The following SHISA9 variants were observed in gnomAD, a reference collection of about 807,000 sequenced individuals.
SHISA9 encodes shisa family member 9, also known as protein shisa-9.
In SHISA9, 13 loss-of-function variants were observed where a neutral mutation model predicts 38.0. The ratio of observed to expected loss-of-function variants is 0.34; its 90% CI spans 0.22 to 0.54. The LOEUF (loss-of-function observed/expected upper bound fraction) is 0.54, where lower values mean the gene tolerates loss of function less well. Among genes scored for constraint, SHISA9 ranks in the 20% least tolerant of loss-of-function variants. The pLI, the probability that SHISA9 is intolerant of heterozygous loss-of-function variation, is 0.91. For synonymous variants in SHISA9, 275 were observed against 242.0 expected (o/e 1.14, Z -1.27); for missense variants, 538 against 575.8 (o/e 0.93, Z 0.67).
At chr16:13,213,204 G>T in intron 3 of SHISA9, 49 bp from the exon 4 acceptor site, 1 of 1,520,408 alleles carries the variant, frequency 6.6e-7, no homozygotes, top group South Asian at 1.2e-5. Context: ...AGTGAACATG[G>T]GTGCCCTGCA....
the SHISA9 span, among the ~76,000 whole-genome samples, chr16:13,521,007 C>G: frequency 2.6e-5 from 4 of 152,178 alleles, no homozygotes; most frequent in African/African-American, 9.6e-5. Flanking sequence ...AGAATACACT[C>G]CTGTTAACCT....
chr16:13,301,091 A>G, the SHISA9 span, among the ~76,000 whole-genome samples: 465 of 152,104 alleles, frequency 3.1e-3, 1 homozygote, highest in African/African-American at 0.011. Context: ...AAACTCTACA[A>G]TCTGTATGCA....
chr16:13,437,502 G>A, the SHISA9 span, among the ~76,000 whole-genome samples: 1 of 151,886 alleles, frequency 6.6e-6, no homozygotes, highest in African/African-American at 2.4e-5. Context: ...TTTTGCCCGA[G>A]GCTGAGCAGT....
chr16:13,491,966 C>T, the SHISA9 span, among the ~76,000 whole-genome samples: 1 of 150,574 alleles, frequency 6.6e-6, no homozygotes, highest in Non-Finnish European at 1.5e-5. Flanking sequence ...CATGAGCCAC[C>T]ATGTCTAGCT....
At position 13,223,588 on chromosome 16, in the gene SHISA9, T is replaced by C. The variant is rs182625097; in HGVS notation, c.895+10288T>C. ...TAGCTTTCAAGAGCCTAGTGTAGGA[T>C]TCAAAACCAACACGTTGGTTCTTTG... On this transcript the variant is annotated intron_variant, in intron 4 of 4. Coordinates refer to ENST00000558583, the MANE Select transcript of SHISA9 (RefSeq NM_001145204.3). Among the ~76,000 whole-genome samples, 244 of 152,344 alleles carry C rather than the reference T, an allele frequency of 1.6e-3. 2 individuals are homozygous for C. The highest frequency in any genetic ancestry group is 5.4e-3 in the African/African-American group (223 of 41,594).
chr16:13,532,540 A>C, the SHISA9 span, among the ~76,000 whole-genome samples: 1 of 130,264 alleles, frequency 7.7e-6, no homozygotes. Flanking sequence ...ATGGAATAAT[A>C]CTATGTGCGT....
chr16:13,544,127 T>C, the SHISA9 span, among the ~76,000 whole-genome samples: 8 of 152,110 alleles, frequency 5.3e-5, no homozygotes, highest in South Asian at 6.2e-4. Flanking sequence ...TAACACCTCT[T>C]TGAGTATCTG....
At chr16:13,454,729 A>G in the SHISA9 span, among the ~76,000 whole-genome samples, 1 of 152,206 alleles carries the variant, frequency 6.6e-6, no homozygotes, top group African/African-American at 2.4e-5. Flanking sequence ...ACGTGGATCA[A>G]TAGAAATGGA....
chr16:12,974,516 C>T (rs1373709813), intron 2 of SHISA9, among the ~76,000 whole-genome samples: 9 of 104,150 alleles, frequency 8.6e-5, no homozygotes, highest in East Asian at 3.4e-4. Flanking sequence ...TCCGGAGTTT[C>T]GCTCTGTCGC....
chr16:13,115,485 T>C (rs748942172), intron 2 of SHISA9, among the ~76,000 whole-genome samples: 8 of 152,254 alleles, frequency 5.3e-5, no homozygotes, highest in Non-Finnish European at 1.0e-4. Flanking sequence ...TGCTTTTGTT[T>C]GTGGCTTAAG....
intron 3 of SHISA9, among the ~76,000 whole-genome samples, chr16:13,207,648 G>C (rs575469630): frequency 6.6e-6 from 1 of 152,222 alleles, no homozygotes; most frequent in East Asian, 1.9e-4. Flanking sequence ...CTGAGACATA[G>C]GTGGTCTTGT....
At chr16:13,278,785 G>C in the SHISA9 span, among the ~76,000 whole-genome samples, 2 of 151,838 alleles carry the variant, frequency 1.3e-5, no homozygotes, top group African/African-American at 4.8e-5. Flanking sequence ...TTCTTAGTGA[G>C]GTAATTTGGA....
At chr16:13,293,936 G>T in the SHISA9 span, among the ~76,000 whole-genome samples, 1 of 152,178 alleles carries the variant, frequency 6.6e-6, no homozygotes, top group Non-Finnish European at 1.5e-5. Flanking sequence ...TGTGTGTTGT[G>T]GTTTTGTTCT....
the SHISA9 span, among the ~76,000 whole-genome samples, chr16:13,530,845 A>G: frequency 6.6e-6 from 1 of 152,290 alleles, no homozygotes; most frequent in Admixed American, 6.5e-5. Flanking sequence ...TGGTTCAGGA[A>G]TGGTCATGTG....
chr16:13,073,674 G>A (rs2073545582), intron 2 of SHISA9, among the ~76,000 whole-genome samples: 1 of 152,122 alleles, frequency 6.6e-6, no homozygotes, highest in Non-Finnish European at 1.5e-5. Context: ...TGTTATTAAG[G>A]TAAAGATTAT....
At chr16:13,217,326 G>C (rs1198154092) in intron 4 of SHISA9, among the ~76,000 whole-genome samples, 1 of 151,986 alleles carries the variant, frequency 6.6e-6, no homozygotes, top group African/African-American at 2.4e-5. Flanking sequence ...ATCCACCCTG[G>C]AAGACACCAT....
intron 2 of SHISA9, among the ~76,000 whole-genome samples, chr16:12,986,395 G>T (rs11075178): frequency 2.6e-5 from 4 of 151,856 alleles, no homozygotes; most frequent in Non-Finnish European, 4.4e-5. Flanking sequence ...TTTCATTTCC[G>T]TTTAGAAAAT....
chr16:13,090,868 T>A (rs1428685487), intron 2 of SHISA9, among the ~76,000 whole-genome samples: 1 of 152,240 alleles, frequency 6.6e-6, no homozygotes, highest in Non-Finnish European at 1.5e-5. Flanking sequence ...TGCCTGTTAA[T>A]TGATGCAGTT....
At chr16:13,005,824 C>G (rs779787315) in intron 2 of SHISA9, among the ~76,000 whole-genome samples, 7 of 152,220 alleles carry the variant, frequency 4.6e-5, no homozygotes, top group Non-Finnish European at 4.4e-5. Flanking sequence ...ACAACAGACA[C>G]TTTGCTCCTT....
Sources: gnomAD v4.1 joint callset for allele counts (sites outside exome capture counted in the v4.1 genomes callset) on GRCh38, gnomAD v4.1.1 for gene constraint, MANE v1.5 for transcripts, NCBI Gene and HGNC (gene_info 2026-07-23, HGNC 2026-07-21) for gene names.